Variants in CEP83 observed in about 807,000 individuals in gnomAD.
CEP83 encodes centrosomal protein 83.
Under a neutral mutation model 101.9 loss-of-function variants are expected in CEP83, and 70 were observed. That is an observed-to-expected ratio of 0.69 (90% CI 0.57 to 0.84). The LOEUF is 0.84. Among genes scored for constraint, CEP83 ranks in the 40% least tolerant of loss-of-function variants. CEP83 has a pLI of 0.00. For synonymous variants in CEP83, 264 were observed against 267.9 expected (o/e 0.99, Z 0.14); for missense variants, 715 against 787.2 (o/e 0.91, Z 1.10).
At chr12:94,399,382 A>C (rs1354472873) in intron 6 of CEP83, among the ~76,000 whole-genome samples, 1 of 152,218 alleles carries the variant, frequency 6.6e-6, no homozygotes, top group East Asian at 1.9e-4. Flanking sequence ...CAATAAATTC[A>C]CTTATCTTGT....
At chr12:94,275,622 G>A in the CEP83 span, among the ~76,000 whole-genome samples, 2 of 86,300 alleles carry the variant, frequency 2.3e-5, 1 homozygote, top group East Asian at 6.5e-4. Context: ...GGGAGGCCGA[G>A]GCGGGCGGAT....
At chr12:94,414,706 T>C (rs137910917) in intron 2 of CEP83, among the ~76,000 whole-genome samples, 1 of 152,206 alleles carries the variant, frequency 6.6e-6, no homozygotes, top group Non-Finnish European at 1.5e-5. Flanking sequence ...AATTCCTAAA[T>C]GTAAGTTTAG....
At chr12:94,423,688 G>T in intron 2 of CEP83, 3 of 1,590,078 alleles carry the variant, frequency 1.9e-6, no homozygotes, top group Non-Finnish European at 8.6e-7. Flanking sequence ...TTGGGAGCAT[G>T]AGTATCTCCA....
At chr12:94,438,134 G>A (rs529394214) in intron 1 of CEP83, among the ~76,000 whole-genome samples, 27 of 151,890 alleles carry the variant, frequency 1.8e-4, no homozygotes, top group East Asian at 1.5e-3. Flanking sequence ...CACGAGAATC[G>A]CTTGAACCCA....
At chr12:94,346,394 G>A (rs2059933601) in intron 11 of CEP83, among the ~76,000 whole-genome samples, 1 of 148,810 alleles carries the variant, frequency 6.7e-6, no homozygotes, top group Non-Finnish European at 1.5e-5. Context: ...TCCGCAGTGA[G>A]CTGAGATCAC....
intron 11 of CEP83, among the ~76,000 whole-genome samples, chr12:94,361,921 G>A (rs2060783829): frequency 6.6e-6 from 1 of 152,044 alleles, no homozygotes; most frequent in Non-Finnish European, 1.5e-5. Flanking sequence ...GGCTGGTCTT[G>A]TACTCCTGAC....
chr12:94,319,142 T>C (rs1327105762), intron 14 of CEP83, among the ~76,000 whole-genome samples: 1 of 152,156 alleles, frequency 6.6e-6, no homozygotes, highest in African/African-American at 2.4e-5. Flanking sequence ...CTTGGGAAGG[T>C]GTATGTGTCC....
intron 2 of CEP83, among the ~76,000 whole-genome samples, chr12:94,413,001 C>T (rs576008284): frequency 1.3e-4 from 20 of 152,112 alleles, no homozygotes; most frequent in East Asian, 1.9e-4. Context: ...TACAGGAGCC[C>T]GCCACCACGC....
chr12:94,306,211 T>C (rs953502912), downstream of CEP83: 2 of 151,832 alleles, frequency 1.3e-5, no homozygotes, highest in South Asian at 4.1e-4. Flanking sequence ...TGGTTATGAA[T>C]ACTTGTGTGT....
the CEP83 span, chr12:94,281,985 G>T: frequency 0.012 from 3,535 of 303,328 alleles, 108 homozygotes; most frequent in African/African-American, 0.073. Context: ...ACACAAGTGT[G>T]AGCATATACA....
intron 1 of CEP83, among the ~76,000 whole-genome samples, chr12:94,454,035 T>G (rs570886501): frequency 6.6e-6 from 1 of 151,186 alleles, no homozygotes; most frequent in African/African-American, 2.4e-5. Context: ...AGGCAGAGGT[T>G]GCAGTGAGCT....
chr12:94,361,355 A>T (rs930059742), intron 11 of CEP83: 9 of 152,184 alleles, frequency 5.9e-5, no homozygotes, highest in African/African-American at 1.9e-4. Context: ...TAAGTTTCGC[A>T]TCAGGATAAT....
chr12:94,453,109 T>G (rs2067378004), intron 1 of CEP83, among the ~76,000 whole-genome samples: 1 of 152,200 alleles, frequency 6.6e-6, no homozygotes, highest in South Asian at 2.1e-4. Flanking sequence ...AAATGTGATG[T>G]GCATTCTTTC....
chr12:94,339,023 G>C (rs1466845378), intron 11 of CEP83, among the ~76,000 whole-genome samples: 1 of 150,960 alleles, frequency 6.6e-6, no homozygotes, highest in Non-Finnish European at 1.5e-5. Context: ...GGAGTGCAAT[G>C]GTGTGATCTC....
At chr12:94,381,389 A>T (rs886477511) in intron 6 of CEP83, among the ~76,000 whole-genome samples, 2 of 152,142 alleles carry the variant, frequency 1.3e-5, no homozygotes, top group Admixed American at 6.6e-5. Context: ...CATTTACTCT[A>T]TTCTATTCTA....
chr12:94,292,619 A>G, the CEP83 span, among the ~76,000 whole-genome samples: 6 of 152,216 alleles, frequency 3.9e-5, no homozygotes, highest in Non-Finnish European at 8.8e-5. Flanking sequence ...CATACACATA[A>G]TGAAATATTT....
At chr12:94,409,491 T>C (rs1177572364) in intron 4 of CEP83, among the ~76,000 whole-genome samples, 2 of 152,116 alleles carry the variant, frequency 1.3e-5, no homozygotes, top group African/African-American at 2.4e-5. Context: ...ATAAATACAA[T>C]TGGATCACTT....
intron 3 of CEP83, 46 bp downstream of exon 3, chr12:94,412,272 A>G (rs891319806): frequency 2.0e-6 from 3 of 1,480,994 alleles, no homozygotes; most frequent in Admixed American, 2.1e-5. Flanking sequence ...GATAATGCCA[A>G]TAACTTTTTA....
At chr12:94,406,453 G>C (rs1051085254) in intron 4 of CEP83, among the ~76,000 whole-genome samples, 1 of 150,834 alleles carries the variant, frequency 6.6e-6, no homozygotes, top group African/African-American at 2.4e-5. Flanking sequence ...AGAAGCATGA[G>C]AGAGAGAGAG....
Sources: gnomAD v4.1 joint callset for allele counts (sites outside exome capture counted in the v4.1 genomes callset) on GRCh38, gnomAD v4.1.1 for gene constraint, MANE v1.5 for transcripts, NCBI Gene and HGNC (gene_info 2026-07-23, HGNC 2026-07-21) for gene names.